Variants in CUX2 observed in about 807,000 individuals in gnomAD.
CUX2 encodes cut like homeobox 2, also known as homeobox protein cut-like 2.
A neutral mutation model predicts 144.8 loss-of-function variants in CUX2; 40 were observed. The observed-to-expected ratio is 0.28, with a 90% CI of 0.21 to 0.36. The LOEUF (loss-of-function observed/expected upper bound fraction) is 0.36. Among genes scored for constraint, CUX2 ranks in the 10% least tolerant of loss-of-function variants. The pLI, the probability that CUX2 is intolerant of heterozygous loss-of-function variation, is 1.00. For synonymous variants in CUX2, 827 were observed against 875.6 expected (o/e 0.94, Z 0.98); for missense variants, 1,615 against 1,994.0 (o/e 0.81, Z 3.62).
chr12:111,254,756 G>T (rs1273430377), intron 3 of CUX2, among the ~76,000 whole-genome samples: 1 of 152,178 alleles, frequency 6.6e-6, no homozygotes, highest in Non-Finnish European at 1.5e-5. Context: ...CTTACACTTG[G>T]GAATTCAAAA....
chr12:111,340,153 C>T (rs544512047), intron 20 of CUX2, among the ~76,000 whole-genome samples: 48 of 152,218 alleles, frequency 3.2e-4, no homozygotes, highest in African/African-American at 1.1e-3. Context: ...CCAAGAGGAT[C>T]GTGCCACTGC....
rs748103431 is a variant in CUX2, at chr12:111,348,458, C to T, written c.*133C>T. On this transcript the variant is annotated 3_prime_UTR_variant, in exon 22 of 22. Transcript: ENST00000261726. ...GTGGACAGCAATGTTATGCCGTTTA[C>T]GTTTTTTGTTGTAATCCTAGTTCTA... 9 of 890,820 alleles carry T rather than the reference C, an allele frequency of 1.0e-5. No homozygotes were observed. The highest frequency in any genetic ancestry group is 3.5e-5 in the South Asian group (2 of 57,952). The allele number at this position is 890,820 out of a possible 1,614,324, so 55.2% of individuals were successfully genotyped here.
chr12:111,189,679 G>A (rs1207916408), intron 1 of CUX2, among the ~76,000 whole-genome samples: 3 of 152,092 alleles, frequency 2.0e-5, no homozygotes, highest in South Asian at 2.1e-4. Flanking sequence ...CTTCTCAAAC[G>A]TTAATGTACT....
At chr12:111,043,529 G>A (rs1566186391) in intron 1 of CUX2, among the ~76,000 whole-genome samples, 1 of 152,204 alleles carries the variant, frequency 6.6e-6, no homozygotes, top group Non-Finnish European at 1.5e-5. Context: ...ACACTGCATG[G>A]TGGCCGGGTG....
chr12:111,099,346 G>A (rs1440468858), intron 1 of CUX2: 4 of 350,676 alleles, frequency 1.1e-5, no homozygotes, highest in Admixed American at 3.7e-5. Context: ...GCCAGAGGCA[G>A]TGCTGCATTT....
At chr12:111,073,797 G>A (rs1443427402) in intron 1 of CUX2, among the ~76,000 whole-genome samples, 1 of 151,934 alleles carries the variant, frequency 6.6e-6, no homozygotes, top group Non-Finnish European at 1.5e-5. Flanking sequence ...CTGTCTCTAT[G>A]AGAAAATTTA....
intron 1 of CUX2, among the ~76,000 whole-genome samples, chr12:111,184,230 A>C (rs1482656609): frequency 6.6e-6 from 1 of 152,204 alleles, no homozygotes; most frequent in Non-Finnish European, 1.5e-5. Flanking sequence ...ACCAAGATGT[A>C]CATCTCAGTG....
At position 111,068,020 on chromosome 12, in the gene CUX2, C is replaced by T. The variant is rs1037797192; in HGVS notation, c.63+33780C>T. Among the ~76,000 whole-genome samples the T allele has an allele frequency of 1.3e-5, 2 of 152,048 alleles. No homozygotes were observed. The highest frequency in any genetic ancestry group is 2.9e-5 in the Non-Finnish European group (2 of 68,016). ...GACCCCTCTAGCAAGAGTTACCTGC[C>T]CTCCCCACCGATCATACCCTAGTCC... On this transcript the variant is annotated intron_variant, in intron 1 of 21. Transcript: ENST00000261726. The surrounding 1 kb of genome is among the most constrained non-coding windows in gnomAD (Gnocchi z 4.9).
intron 4 of CUX2, among the ~76,000 whole-genome samples, chr12:111,266,708 G>A (rs1243810633): frequency 6.6e-6 from 1 of 152,226 alleles, no homozygotes; most frequent in Non-Finnish European, 1.5e-5. Context: ...AAGACAATAA[G>A]TGTCTGTTGT....
rs369537072 is a variant in CUX2, at chr12:111,348,233, C to T, written c.4369C>T (p.Arg1457Trp). The T allele has an allele frequency of 5.6e-6, 9 of 1,613,976 alleles. No individual in the cohort carries two copies. The highest frequency in any genetic ancestry group is 6.8e-6 in the Non-Finnish European group (8 of 1,180,032). The change falls in exon 22 of 22, where the codon CGG becomes TGG. Residue 1457 changes from arginine (R) to tryptophan (W), a missense_variant. Arg to Trp is a moderately radical substitution (Grantham distance 101). Coordinates refer to ENST00000261726, the MANE Select transcript of CUX2 (RefSeq NM_015267.4). ...TGCCAAGGTGAACCCCAACTTGCAG[C>T]GGCGGCATGAGAAGATGGCCAATCT... is the stretch of plus-strand genomic sequence containing the variant. Reference protein sequence around the residue: ...PSAKVNPNLQRRHEKMANLNN... With the variant: ...PSAKVNPNLQWRHEKMANLNN...
chr12:111,172,002 T>C (rs1238528100), intron 1 of CUX2, among the ~76,000 whole-genome samples: 1 of 151,864 alleles, frequency 6.6e-6, no homozygotes, highest in Non-Finnish European at 1.5e-5. Context: ...TGCCTGTGTG[T>C]GCGCATGTGT....
At chr12:111,094,094 A>T (rs1872687300) in intron 1 of CUX2, among the ~76,000 whole-genome samples, 1 of 152,178 alleles carries the variant, frequency 6.6e-6, no homozygotes, top group Admixed American at 6.5e-5. Flanking sequence ...CGGACAGGGG[A>T]CAGTGTATTA....
chr12:111,279,771 C>G (rs1252445654), intron 4 of CUX2, among the ~76,000 whole-genome samples: 5 of 152,088 alleles, frequency 3.3e-5, no homozygotes, highest in African/African-American at 1.2e-4. Flanking sequence ...ATCGCAAGGT[C>G]AAGAGATCGA....
At chr12:111,281,522 C>T (rs545487667) in intron 4 of CUX2, among the ~76,000 whole-genome samples, 1 of 152,350 alleles carries the variant, frequency 6.6e-6, no homozygotes, top group East Asian at 1.9e-4. Context: ...ACTGGGAAGT[C>T]GGCTGCACAA....
At chr12:111,336,565 A>G (rs1888363658) in intron 19 of CUX2, among the ~76,000 whole-genome samples, 1 of 151,730 alleles carries the variant, frequency 6.6e-6, no homozygotes, top group Non-Finnish European at 1.5e-5. Context: ...CTCCTGCCTC[A>G]GCCACCCTAG....
intron 16 of CUX2, among the ~76,000 whole-genome samples, chr12:111,318,618 A>G (rs1237770281): frequency 1.3e-5 from 2 of 151,206 alleles, no homozygotes; most frequent in Admixed American, 6.6e-5. Context: ...AAAAAGATTC[A>G]TATCTGATTT....
chr12:111,036,204 T>C lies in CUX2; in HGVS notation c.63+1964T>C, dbSNP rs374449430. On this transcript the variant is annotated intron_variant, in intron 1 of 21. Transcript: ENST00000261726. ...ATTGTTATTCTGGGCTGGAGAAAAT[T>C]TCCGCGGCGAGATTTACAGCGCTGG... 1.4e-4 allele frequency among the ~76,000 whole-genome samples: 21 copies of C among 152,242 alleles called. No individual in the cohort carries two copies. In the East Asian group the frequency reaches 3.5e-3, roughly 25 times the overall value.
At chr12:111,337,175 CA>C (rs1888388501) in intron 19 of CUX2, among the ~76,000 whole-genome samples, 1 of 150,574 alleles carries the variant, frequency 6.6e-6, no homozygotes, top group African/African-American at 2.4e-5. Flanking sequence ...ACTTTGTCCC[CA>C]AAAAAATGAA....
At chr12:111,285,759 A>G (rs1198460788) in intron 4 of CUX2, among the ~76,000 whole-genome samples, 2 of 152,210 alleles carry the variant, frequency 1.3e-5, no homozygotes, top group African/African-American at 4.8e-5. Flanking sequence ...TGAAGACTGA[A>G]TGAATTCTAA....
Sources: allele counts gnomAD v4.1 joint callset (sites outside exome capture counted in the v4.1 genomes callset), GRCh38; gene constraint gnomAD v4.1.1; non-coding constraint Gnocchi (gnomAD v3.1); transcripts MANE v1.5; gene names NCBI Gene and HGNC (gene_info 2026-07-23, HGNC 2026-07-21).